CNBD1: variants seen among roughly 807,000 people sequenced by gnomAD.
CNBD1 encodes cyclic nucleotide-binding domain-containing protein 1.
A neutral mutation model predicts 54.4 loss-of-function variants in CNBD1; 71 were observed. The ratio of observed to expected loss-of-function variants is 1.30; its 90% CI spans 1.08 to 1.59. CNBD1 has a LOEUF of 1.59. Among genes scored for constraint, CNBD1 ranks in the 40% most tolerant of loss-of-function variants. CNBD1 has a pLI of 0.00. For synonymous variants in CNBD1, 182 were observed against 170.7 expected (o/e 1.07, Z -0.51); for missense variants, 659 against 518.0 (o/e 1.27, Z -2.64).
chr8:87,280,400 A>T (rs1808576541), intron 6 of CNBD1, among the ~76,000 whole-genome samples: 1 of 151,630 alleles, frequency 6.6e-6, no homozygotes, highest in Non-Finnish European at 1.5e-5. Context: ...ATGTACAAAT[A>T]ATCACAAACT....
At chr8:87,217,732 C>T (rs1249408861) in intron 5 of CNBD1, among the ~76,000 whole-genome samples, 1 of 151,824 alleles carries the variant, frequency 6.6e-6, no homozygotes, top group African/African-American at 2.4e-5. Flanking sequence ...TTCTAAAGCT[C>T]ATATTATTGT....
intron 5 of CNBD1, among the ~76,000 whole-genome samples, chr8:87,220,800 A>G (rs769862925): frequency 5.3e-5 from 8 of 151,958 alleles, no homozygotes; most frequent in Non-Finnish European, 8.8e-5. Flanking sequence ...ATTTTGGATT[A>G]TTTATTTATG....
intron 8 of CNBD1, among the ~76,000 whole-genome samples, chr8:87,325,638 T>C (rs1809650861): frequency 1.5e-5 from 2 of 135,972 alleles, no homozygotes; most frequent in Non-Finnish European, 3.2e-5. Context: ...CTGCCTTTTT[T>C]TGTTTTCCAT....
chr8:87,372,280 T>G (rs183904043), intron 10 of CNBD1, among the ~76,000 whole-genome samples: 2 of 151,934 alleles, frequency 1.3e-5, no homozygotes, highest in East Asian at 1.9e-4. Context: ...GCTTTCAAGA[T>G]TTTGTTTCTG....
In CNBD1 at chr8:87,148,955, C is replaced by A. The variant is rs1367852; in HGVS notation, c.432-57038C>A. Among the ~76,000 whole-genome samples the A allele has an allele frequency of 3.1e-3, 475 of 152,236 alleles. 4 individuals carry two copies. The highest frequency in any genetic ancestry group is 0.011 in the African/African-American group (438 of 41,546). ...AATCTCCCTATCTGATGAAACAATT[C>A]ATTTCACTGCAAAAGGAATGAGGTC... On this transcript the variant is annotated intron_variant, in intron 4 of 10. Coordinates refer to ENST00000518476, the MANE Select transcript of CNBD1 (RefSeq NM_173538.3).
At chr8:87,315,456 T>G (rs1809366109) in intron 8 of CNBD1, among the ~76,000 whole-genome samples, 2 of 151,900 alleles carry the variant, frequency 1.3e-5, no homozygotes, top group African/African-American at 4.8e-5. Context: ...TGGCTTCTGG[T>G]GAGGACCTCA....
At chr8:87,349,863 G>T (rs1265099962) in intron 8 of CNBD1, among the ~76,000 whole-genome samples, 1 of 152,114 alleles carries the variant, frequency 6.6e-6, no homozygotes, top group Non-Finnish European at 1.5e-5. Flanking sequence ...AATGGTTTGG[G>T]TTTTCCAATT....
At chr8:87,343,684 C>A (rs1017497422) in intron 8 of CNBD1, among the ~76,000 whole-genome samples, 2 of 152,042 alleles carry the variant, frequency 1.3e-5, no homozygotes, top group South Asian at 2.1e-4. Context: ...TTTTTCATTG[C>A]ACATTGAAAA....
At chr8:87,156,027 A>G (rs1178951810) in intron 4 of CNBD1, among the ~76,000 whole-genome samples, 1 of 152,058 alleles carries the variant, frequency 6.6e-6, no homozygotes, top group Non-Finnish European at 1.5e-5. Flanking sequence ...TCCTAGGAAC[A>G]CTAACATTTA....
At chr8:87,363,547 C>G (rs1232809350) in intron 10 of CNBD1, among the ~76,000 whole-genome samples, 2 of 152,126 alleles carry the variant, frequency 1.3e-5, no homozygotes. Flanking sequence ...GATTGCCATT[C>G]TAACTGGCAT....
At chr8:87,040,665 C>A (rs1810049035) in intron 4 of CNBD1, among the ~76,000 whole-genome samples, 1 of 151,794 alleles carries the variant, frequency 6.6e-6, no homozygotes, top group Non-Finnish European at 1.5e-5. Flanking sequence ...ACCTCGTGAT[C>A]CACCCTCCTT....
At chr8:87,333,952 C>A (rs2130912710) in intron 8 of CNBD1, among the ~76,000 whole-genome samples, 1 of 152,220 alleles carries the variant, frequency 6.6e-6, no homozygotes, top group South Asian at 2.1e-4. Flanking sequence ...GGTACCAGCT[C>A]CTCTTTTTAC....
chr8:87,315,806 A>G (rs1468919389), intron 8 of CNBD1, among the ~76,000 whole-genome samples: 2 of 152,058 alleles, frequency 1.3e-5, no homozygotes, highest in African/African-American at 4.8e-5. Context: ...GTAGGGTGAT[A>G]ATAGTTTATA....
At chr8:87,231,321 A>G (rs1814685138) in intron 5 of CNBD1, among the ~76,000 whole-genome samples, 1 of 152,120 alleles carries the variant, frequency 6.6e-6, no homozygotes, top group African/African-American at 2.4e-5. Flanking sequence ...ACTATCTCTA[A>G]GCAATATATT....
At chr8:87,184,846 A>C (rs1813441601) in intron 4 of CNBD1, among the ~76,000 whole-genome samples, 1 of 152,166 alleles carries the variant, frequency 6.6e-6, no homozygotes, top group Admixed American at 6.5e-5. Context: ...TGTGTCTGTC[A>C]GCCATCTTGG....
intron 8 of CNBD1, among the ~76,000 whole-genome samples, chr8:87,300,722 A>G (rs950352196): frequency 3.3e-5 from 5 of 152,038 alleles, no homozygotes; most frequent in African/African-American, 1.2e-4. Flanking sequence ...ACATATACAC[A>G]CACATTCTAT....
At position 87,184,994 on chromosome 8, in the gene CNBD1, A is replaced by G. The variant is rs1241842785; in HGVS notation, c.432-20999A>G. ...TTTTTTATTTGACTTCTGGATTTTCATAAATATGTTATTTTCCGAATATAT... is the reference window on the plus strand; with the variant it reads ...TTTTTTATTTGACTTCTGGATTTTCGTAAATATGTTATTTTCCGAATATAT... On this transcript the variant is annotated intron_variant, in intron 4 of 10. Coordinates refer to ENST00000518476, the MANE Select transcript of CNBD1 (RefSeq NM_173538.3). Among the ~76,000 whole-genome samples, 56 of 152,066 alleles carry G rather than the reference A, an allele frequency of 3.7e-4. 2 individuals are homozygous for G. Among genetic ancestry groups the G allele is most frequent in the Admixed American group, 3.7e-3 (56 of 15,274 alleles).
In CNBD1 at chr8:87,284,795, G is replaced by A; in HGVS notation, c.889G>A (p.Gly297Arg). ...DCEILKIPAK[G>R]YAKIKEEKIK... ...TGAAATTCTTAAAATCCCAGCAAAG[G>A]GATATGCAAAGATAAAGGAGGTAAG... The change falls in exon 7 of 11, where the codon GGA becomes AGA. Residue 297 changes from glycine to arginine, a missense_variant. Coordinates refer to ENST00000518476, the MANE Select transcript of CNBD1 (RefSeq NM_173538.3). 6.3e-7 allele frequency: 1 copy of A among 1,585,278 alleles called. No individual in the cohort carries two copies. Among genetic ancestry groups the A allele is most frequent in the South Asian group, 1.2e-5 (1 of 86,414 alleles).
chr8:87,272,312 A>G (rs1002657829), intron 6 of CNBD1, among the ~76,000 whole-genome samples: 1 of 152,054 alleles, frequency 6.6e-6, no homozygotes, highest in Non-Finnish European at 1.5e-5. Flanking sequence ...ATATAAATGT[A>G]TGAAATCATC....
Sources: gnomAD v4.1 joint callset for allele counts (sites outside exome capture counted in the v4.1 genomes callset) on GRCh38, gnomAD v4.1.1 for gene constraint, MANE v1.5 for transcripts, NCBI Gene and HGNC (gene_info 2026-07-23, HGNC 2026-07-21) for gene names.